The following SOD2 variants were observed in gnomAD, a reference collection of about 807,000 sequenced individuals.
SOD2 encodes superoxide dismutase 2.
Under a neutral mutation model 27.0 loss-of-function variants are expected in SOD2, and 11 were observed. That is an observed-to-expected ratio of 0.41 (90% CI 0.26 to 0.67). The LOEUF (loss-of-function observed/expected upper bound fraction) is 0.67, where lower values mean the gene tolerates loss of function less well. Ranked by LOEUF, SOD2 falls within the 30% of genes least tolerant of loss-of-function variation. The probability of loss-of-function intolerance (pLI) is 0.34; values close to 1 mark genes in which losing one functional copy is unlikely to be tolerated. For missense variants in SOD2, 250 were observed against 274.5 expected, an observed-to-expected ratio of 0.91 and a Z score of 0.63; for synonymous variants, 105 against 103.0, an observed-to-expected ratio of 1.02 and a Z score of -0.12.
chr6:159,730,759 G>T (rs1242458421), upstream of SOD2: 2 of 152,192 alleles, frequency 1.3e-5, no homozygotes, highest in African/African-American at 2.4e-5. Flanking sequence ...GACTCTGAGA[G>T]TTGACTTAGG....
upstream of SOD2, among the ~76,000 whole-genome samples, chr6:159,747,006 G>A (rs1039068812): frequency 5.3e-5 from 8 of 152,072 alleles, no homozygotes; most frequent in African/African-American, 1.7e-4. Context: ...TTAGCAGCTG[G>A]CTTCACATTG....
chr6:159,761,866 C>G (rs1376379958), exon 1 of SOD2: 3 of 262,750 alleles, frequency 1.1e-5, no homozygotes, highest in East Asian at 7.5e-5. Context: ...GGCCTCACTT[C>G]CGCCCCGCGC....
intron 1 of SOD2, among the ~76,000 whole-genome samples, chr6:159,703,297 A>G (rs1044686479): frequency 6.6e-6 from 1 of 152,146 alleles, no homozygotes; most frequent in African/African-American, 2.4e-5. Flanking sequence ...CTGGGCGACA[A>G]GAGTGAAGGG....
chr6:159,731,676 C>A (rs1404229375), upstream of SOD2, among the ~76,000 whole-genome samples: 1 of 151,962 alleles, frequency 6.6e-6, no homozygotes, highest in Non-Finnish European at 1.5e-5. Flanking sequence ...AATTAAATGC[C>A]CATTTTGTGC....
In SOD2 at chr6:159,688,208, T is replaced by G; in HGVS notation, c.261A>C (p.Ala87=). 1 of 1,613,028 alleles carries G rather than the reference T, an allele frequency of 6.2e-7. No homozygotes were observed. The highest frequency in any genetic ancestry group is 8.5e-7 in the Non-Finnish European group (1 of 1,178,978). ...TATGACCACCACCATTGAACTTCAG[T>G]GCAGGCTGAAGAGCTATCTGGGCTG... The part of the protein sequence containing the change: ...DVTAQIALQP[A]LKFNGGGHIN... Residue 87 remains alanine (A), a synonymous_variant, in exon 3 of 5, where the codon GCA becomes GCC. Coordinates refer to ENST00000538183, the MANE Select transcript of SOD2 (RefSeq NM_000636.4).
intron 1 of SOD2, among the ~76,000 whole-genome samples, chr6:159,709,700 A>G (rs1278319992): frequency 6.6e-6 from 1 of 152,096 alleles, no homozygotes; most frequent in African/African-American, 2.4e-5. Context: ...ATTGTGGAAG[A>G]CAGTGTGGCG....
At chr6:159,727,235 C>T in exon 1 of SOD2, 1 of 1,273,704 alleles carries the variant, frequency 7.9e-7, no homozygotes, top group South Asian at 1.3e-5. Flanking sequence ...AGGCCCCGAT[C>T]GGGCTAGGCC....
chr6:159,727,749 G>A (rs1009295710), upstream of SOD2: 319 of 983,760 alleles, frequency 3.2e-4, 1 homozygote, highest in Middle Eastern at 5.2e-4. Flanking sequence ...GGACCTCCGG[G>A]GCCTGAGGGC....
intron 1 of SOD2, chr6:159,736,657 A>G (rs1778936899): frequency 6.0e-6 from 1 of 165,524 alleles, no homozygotes; most frequent in South Asian, 1.9e-4. Flanking sequence ...TGAGTATATT[A>G]TTATTCTTTT....
intron 1 of SOD2, among the ~76,000 whole-genome samples, chr6:159,701,269 C>G (rs80065806): frequency 6.6e-6 from 1 of 152,164 alleles, no homozygotes. Context: ...CTGCTAGAGG[C>G]CTGTGATGAA....
chr6:159,732,739 G>A (rs983946552), intron 1 of SOD2, among the ~76,000 whole-genome samples: 3 of 151,980 alleles, frequency 2.0e-5, no homozygotes, highest in East Asian at 1.9e-4. Flanking sequence ...CAGGAGAATC[G>A]CTTGAATCCA....
At chr6:159,733,075 T>C (rs888273418) in intron 1 of SOD2, among the ~76,000 whole-genome samples, 2 of 152,098 alleles carry the variant, frequency 1.3e-5, no homozygotes, top group Non-Finnish European at 2.9e-5. Flanking sequence ...CTGAGATGAT[T>C]AAAATGACTG....
In SOD2 at chr6:159,751,565, T is replaced by A. The variant is rs560224819; in HGVS notation, c.-335-2889A>T. On this transcript the variant is annotated intron_variant, in intron 1 of 7. Coordinates refer to the SOD2 transcript ENST00000546087. Reference sequence around the variant, plus strand: ...AACGCCTGAGAGTGCTGATGGGAAATGGTGGAAATCTGGAGCTACAGTAGC... The same window carrying A: ...AACGCCTGAGAGTGCTGATGGGAAAAGGTGGAAATCTGGAGCTACAGTAGC... Among the ~76,000 whole-genome samples the A allele has an allele frequency of 1.8e-4, 27 of 152,278 alleles. No individual in the cohort carries two copies. In the South Asian group the frequency reaches 5.6e-3, roughly 32 times the overall value.
At chr6:159,762,078 G>A (rs1364660849) in exon 1 of SOD2, 2 of 1,612,948 alleles carry the variant, frequency 1.2e-6, no homozygotes, top group Admixed American at 1.7e-5. Flanking sequence ...ACGGCGGCAG[G>A]AGAAGCAAGA....
In SOD2 at chr6:159,732,496, T is replaced by C. The variant is rs1318819043; in HGVS notation, c.-116+12634A>G. On this transcript the variant is annotated intron_variant, in intron 1 of 3. Transcript: ENST00000537657. ...CAGATACTGATATACCGGTTAAATA[T>C]GTACAGCTCAAATAGCTAAAATTGT... 2.6e-5 allele frequency among the ~76,000 whole-genome samples: 4 copies of C among 152,334 alleles called. No individual in the cohort carries two copies. In the East Asian group the frequency reaches 5.8e-4, roughly 22 times the overall value.
upstream of SOD2, among the ~76,000 whole-genome samples, chr6:159,746,408 G>GC (rs1779576692): frequency 6.6e-6 from 1 of 152,176 alleles, no homozygotes; most frequent in Non-Finnish European, 1.5e-5. Context: ...CAGAGCTGCT[G>GC]CATTTACCCT....
intron 1 of SOD2, among the ~76,000 whole-genome samples, chr6:159,757,419 C>CTTT (rs4038770): frequency 7.0e-6 from 1 of 143,478 alleles, no homozygotes; most frequent in Non-Finnish European, 1.5e-5. Flanking sequence ...TTCTTTTTCT[C>CTTT]TTTTTTTTTT....
chr6:159,698,768 T>C (rs1391440644), intron 1 of SOD2, among the ~76,000 whole-genome samples: 1 of 151,834 alleles, frequency 6.6e-6, no homozygotes, highest in East Asian at 1.9e-4. Flanking sequence ...TTTTTATGAA[T>C]ATTGTGTTCT....
At chr6:159,712,727 C>G (rs1291986693) in intron 1 of SOD2, 1 of 409,094 alleles carries the variant, frequency 2.4e-6, no homozygotes, top group East Asian at 6.8e-5. Flanking sequence ...TCCATAACCA[C>G]CACTCACACT....
Sources: allele counts gnomAD v4.1 joint callset (sites outside exome capture counted in the v4.1 genomes callset), GRCh38; gene constraint gnomAD v4.1.1; transcripts MANE v1.5; gene names NCBI Gene and HGNC (gene_info 2026-07-23, HGNC 2026-07-21).